PLPPR1: variants seen among roughly 807,000 people sequenced by gnomAD.
PLPPR1 encodes the protein phospholipid phosphatase-related protein type 1.
PLPPR1 carries 10 observed loss-of-function variants against 33.1 expected under a neutral mutation model. The observed-to-expected ratio is 0.30, with a 90% confidence interval of 0.19 to 0.51. PLPPR1 has a LOEUF of 0.51. Among genes scored for constraint, PLPPR1 ranks in the 20% least tolerant of loss-of-function variants. PLPPR1 has a pLI of 0.97. For synonymous variants in PLPPR1, 151 were observed against 151.0 expected (o/e 1.00, Z 0.00); for missense variants, 304 against 408.1 (o/e 0.74, Z 2.20).
intron 2 of PLPPR1, among the ~76,000 whole-genome samples, chr9:101,199,818 C>T (rs887582811): frequency 6.6e-6 from 1 of 152,182 alleles, no homozygotes; most frequent in South Asian, 2.1e-4. Context: ...AGACCACCTG[C>T]TTTGGAGTGA....
intron 2 of PLPPR1, among the ~76,000 whole-genome samples, chr9:101,216,814 C>T (rs529982624): frequency 6.6e-6 from 1 of 152,240 alleles, no homozygotes; most frequent in African/African-American, 2.4e-5. Context: ...TCATCAAATG[C>T]CTGTAGCACC....
At chr9:101,071,605 G>GGAGA (rs3080736) in intron 1 of PLPPR1, among the ~76,000 whole-genome samples, 82,602 of 148,944 alleles carry the variant, frequency 0.55, 22,775 homozygotes, top group Non-Finnish European at 0.59. Context: ...GGAGTGAGAA[G>GGAGA]GAGAGAGAGA....
In PLPPR1 at chr9:101,209,854, C is replaced by T. The variant is rs191791097; in HGVS notation, c.63+24297C>T. Among the ~76,000 whole-genome samples the T allele has an allele frequency of 6.0e-4, 92 of 152,290 alleles. 1 individual carries two copies. Among genetic ancestry groups the T allele is most frequent in the Admixed American group, 4.8e-3 (73 of 15,300 alleles). ...TCAGCTATGTTCTGGGTCACAGCCT[C>T]GCTGATCTAATCATTTGCTCTGTCT... On this transcript the variant is annotated intron_variant, in intron 2 of 7. Coordinates refer to ENST00000374874, the MANE Select transcript of PLPPR1 (RefSeq NM_207299.2).
chr9:101,075,046 A>G (rs914010845), intron 1 of PLPPR1, among the ~76,000 whole-genome samples: 19 of 152,240 alleles, frequency 1.2e-4, no homozygotes, highest in Non-Finnish European at 2.1e-4. Context: ...AACTGCTCAA[A>G]TTAGTGCTAT....
intron 1 of PLPPR1, among the ~76,000 whole-genome samples, chr9:101,162,352 T>C (rs947350009): frequency 6.6e-6 from 1 of 152,150 alleles, no homozygotes; most frequent in African/African-American, 2.4e-5. Context: ...TTGATGTAAG[T>C]TTCTGGATTG....
chr9:101,124,523 C>T (rs1298127714), intron 1 of PLPPR1, among the ~76,000 whole-genome samples: 1 of 152,150 alleles, frequency 6.6e-6, no homozygotes, highest in Non-Finnish European at 1.5e-5. Context: ...AAAACACAAG[C>T]ATACCCTCAC....
intron 1 of PLPPR1, among the ~76,000 whole-genome samples, chr9:101,053,593 A>C (rs971031138): frequency 6.6e-6 from 1 of 152,158 alleles, no homozygotes; most frequent in Non-Finnish European, 1.5e-5. Flanking sequence ...AGGAATGATA[A>C]TTCCTCGGCC....
intron 1 of PLPPR1, among the ~76,000 whole-genome samples, chr9:101,055,403 G>C (rs1830268355): frequency 6.6e-6 from 1 of 152,168 alleles, no homozygotes; most frequent in Admixed American, 6.5e-5. Context: ...TAAGTCTCCA[G>C]CTGAGACAGT....
chr9:101,237,164 A>C (rs1414849935), intron 2 of PLPPR1, among the ~76,000 whole-genome samples: 8 of 151,780 alleles, frequency 5.3e-5, no homozygotes, highest in Non-Finnish European at 1.2e-4. Flanking sequence ...AAAAGTCAAA[A>C]AACAATAGAT....
At chr9:101,227,653 T>C (rs1057402478) in intron 2 of PLPPR1, among the ~76,000 whole-genome samples, 1 of 152,332 alleles carries the variant, frequency 6.6e-6, no homozygotes, top group East Asian at 1.9e-4. Flanking sequence ...GCTCAGGCTA[T>C]ACATAATTTC....
intron 1 of PLPPR1, among the ~76,000 whole-genome samples, chr9:101,148,135 T>C (rs1470373190): frequency 6.6e-6 from 1 of 152,112 alleles, no homozygotes; most frequent in Non-Finnish European, 1.5e-5. Flanking sequence ...GGTGGGTAAA[T>C]GAGTTGAGTC....
chr9:101,309,044 G>T (rs1311715482), intron 4 of PLPPR1, among the ~76,000 whole-genome samples, 167 bp from the exon 5 acceptor site: 1 of 152,148 alleles, frequency 6.6e-6, no homozygotes, highest in East Asian at 1.9e-4. Flanking sequence ...CAATTTGGAA[G>T]AAATGGTGAT....
intron 6 of PLPPR1, among the ~76,000 whole-genome samples, chr9:101,315,779 G>A (rs7848242): frequency 0.27 from 40,451 of 152,072 alleles, 5,669 homozygotes; most frequent in African/African-American, 0.34. Flanking sequence ...GGAGCCTGGA[G>A]GCATTCCAAA....
Position 101,206,587 on chromosome 9 carries a change from G to T in PLPPR1, c.63+21030G>T, listed in dbSNP as rs184770919. 4.6e-5 allele frequency among the ~76,000 whole-genome samples: 7 copies of T among 152,222 alleles called. No individual in the cohort carries two copies. In the East Asian group the frequency reaches 1.4e-3, roughly 29 times the overall value. ...ATCCACAGCAAGGGGGCAGAGGTGG[G>T]GATGGAGGACAGGATTGGTTTAAAC... On this transcript the variant is annotated intron_variant, in intron 2 of 7. Transcript: ENST00000374874.
At chr9:101,156,093 T>A (rs1054407571) in intron 1 of PLPPR1, among the ~76,000 whole-genome samples, 1 of 152,196 alleles carries the variant, frequency 6.6e-6, no homozygotes, top group East Asian at 1.9e-4. Flanking sequence ...CTTGTCCTCA[T>A]GAAATGAATA....
At chr9:101,224,024 T>C (rs1827008762) in intron 2 of PLPPR1, among the ~76,000 whole-genome samples, 1 of 152,142 alleles carries the variant, frequency 6.6e-6, no homozygotes, top group African/African-American at 2.4e-5. Context: ...TATTATAACA[T>C]ATGGCTTGAT....
At chr9:101,120,704 C>A in intron 1 of PLPPR1, among the ~76,000 whole-genome samples, 1 of 151,684 alleles carries the variant, frequency 6.6e-6, no homozygotes. Context: ...GGGGTCATCA[C>A]CAAAGAAAGG....
intron 1 of PLPPR1, among the ~76,000 whole-genome samples, chr9:101,154,934 G>T (rs1213423286): frequency 7.4e-6 from 1 of 135,056 alleles, no homozygotes; most frequent in Non-Finnish European, 1.5e-5. Flanking sequence ...ACACTGGAAG[G>T]GGAACATCAC....
intron 3 of PLPPR1, among the ~76,000 whole-genome samples, chr9:101,279,150 C>G (rs1341584272): frequency 6.6e-6 from 1 of 152,014 alleles, no homozygotes; most frequent in Non-Finnish European, 1.5e-5. Context: ...TTTAAGGAAG[C>G]TCAATGAACT....
Sources: gnomAD v4.1 joint callset for allele counts (sites outside exome capture counted in the v4.1 genomes callset) on GRCh38, gnomAD v4.1.1 for gene constraint, MANE v1.5 for transcripts, NCBI Gene and HGNC (gene_info 2026-07-23, HGNC 2026-07-21) for gene names.